The following GYS2 variants were observed in gnomAD, a reference collection of about 807,000 sequenced individuals.
GYS2 encodes the protein glycogen synthase 2, also known as glycogen [starch] synthase, liver.
A neutral mutation model predicts 85.6 loss-of-function variants in GYS2; 80 were observed. The observed-to-expected ratio is 0.93, with a 90% confidence interval of 0.78 to 1.13. GYS2 has a LOEUF of 1.13. Among genes scored for constraint, GYS2 ranks in the 50% most tolerant of loss-of-function variants. The probability of loss-of-function intolerance (pLI) is 0.00; values close to 1 mark genes in which losing one functional copy is unlikely to be tolerated. For synonymous variants in GYS2, 328 were observed against 300.7 expected (o/e 1.09, Z -0.94); for missense variants, 881 against 854.9 (o/e 1.03, Z -0.38).
At chr12:21,598,116 A>T (rs769849909) in intron 1 of GYS2, among the ~76,000 whole-genome samples, 12 of 152,086 alleles carry the variant, frequency 7.9e-5, no homozygotes, top group Non-Finnish European at 1.3e-4. Flanking sequence ...GATAGAAGGA[A>T]TATGTTCTGA....
At chr12:21,604,190 T>C (rs570860652) in intron 1 of GYS2, among the ~76,000 whole-genome samples, 1 of 152,288 alleles carries the variant, frequency 6.6e-6, no homozygotes, top group Non-Finnish European at 1.5e-5. Context: ...TTTTTATTTC[T>C]ATGTTGTCAT....
intron 3 of GYS2, among the ~76,000 whole-genome samples, 175 bp from the exon 4 acceptor site, chr12:21,574,501 T>G (rs1394490665): frequency 6.6e-6 from 1 of 152,186 alleles, no homozygotes; most frequent in African/African-American, 2.4e-5. Flanking sequence ...GGCATGTTCA[T>G]TAACCCCATA....
At chr12:21,584,437 A>G (rs35477974) in intron 1 of GYS2, among the ~76,000 whole-genome samples, 7,937 of 152,282 alleles carry the variant, frequency 0.052, 279 homozygotes, top group Non-Finnish European at 0.071. Flanking sequence ...AGGATGATCA[A>G]TTCTGTGGAC....
chr12:21,596,254 A>G (rs983959324), intron 1 of GYS2, among the ~76,000 whole-genome samples: 2 of 152,164 alleles, frequency 1.3e-5, no homozygotes, highest in African/African-American at 4.8e-5. Context: ...AATTCATTCT[A>G]TGAAGCCAGC....
intron 7 of GYS2, among the ~76,000 whole-genome samples, chr12:21,562,467 A>G (rs1262795200): frequency 6.6e-6 from 1 of 152,186 alleles, no homozygotes; most frequent in East Asian, 1.9e-4. Flanking sequence ...AAGGTTCAGT[A>G]TTAGGATGCG....
downstream of GYS2, among the ~76,000 whole-genome samples, chr12:21,533,308 C>T (rs1186164164): frequency 1.3e-5 from 2 of 152,180 alleles, no homozygotes; most frequent in African/African-American, 2.4e-5. Context: ...GAGAAGAAGG[C>T]GAAGTGACCC....
chr12:21,563,018 T>G lies in GYS2; in HGVS notation c.962A>C (p.Glu321Ala), dbSNP rs1475051645. The G allele has an allele frequency of 8.1e-6, 13 of 1,612,460 alleles. No individual in the cohort carries two copies. Among genetic ancestry groups the G allele is most frequent in the Non-Finnish European group, 9.3e-6 (11 of 1,178,762 alleles). The change falls in exon 7 of 16, where the codon GAA becomes GCA. Residue 321 changes from glutamate to alanine, a missense_variant. Coordinates refer to ENST00000261195, the MANE Select transcript of GYS2 (RefSeq NM_021957.4). The part of the protein sequence containing the change: ...HFYGHLDFDL[E>A]KTLFLFIAGR... ...AGCAATGAAAAGGAACAAAGTCTTT[T>G]CAAGATCAAAGTCGAGATGACTAAA...
chr12:21,544,473 G>T (rs975775414), intron 12 of GYS2, among the ~76,000 whole-genome samples: 1 of 152,128 alleles, frequency 6.6e-6, no homozygotes, highest in Non-Finnish European at 1.5e-5. Context: ...CCGACAGAAA[G>T]GACTTCCCAC....
chr12:21,601,533 T>C (rs1038933573), intron 1 of GYS2, among the ~76,000 whole-genome samples: 2 of 152,128 alleles, frequency 1.3e-5, no homozygotes, highest in African/African-American at 4.8e-5. Flanking sequence ...TTCTCTCACA[T>C]AGAACGCTTT....
chr12:21,587,992 T>C (rs952322091), intron 1 of GYS2, among the ~76,000 whole-genome samples: 4 of 152,148 alleles, frequency 2.6e-5, no homozygotes, highest in African/African-American at 9.7e-5. Flanking sequence ...TTAGGCAGGA[T>C]ATTTCCCGTG....
chr12:21,563,587 C>G (rs977491289), intron 5 of GYS2, among the ~76,000 whole-genome samples: 11 of 152,100 alleles, frequency 7.2e-5, no homozygotes, highest in African/African-American at 2.4e-4. Flanking sequence ...CAATGAAGCA[C>G]TGGTACAATG....
rs560505742 is a variant in GYS2, at chr12:21,580,776, C to T, written c.122-253G>A. Among the ~76,000 whole-genome samples the T allele has an allele frequency of 4.8e-4, 73 of 152,248 alleles. 2 individuals are homozygous for T. In the South Asian group the frequency reaches 0.011, roughly 23 times the overall value. On this transcript the variant is annotated intron_variant, in intron 1 of 15. Transcript: ENST00000261195. ...ATGTGAAATAGCAGCAGGCTGATGC[C>T]GCAAAGAGGTCAAATACCTCAAAAA...
chr12:21,532,968 C>G (rs891617463), downstream of GYS2: 5 of 152,164 alleles, frequency 3.3e-5, no homozygotes, highest in Non-Finnish European at 5.9e-5. Context: ...CTTTCCAACT[C>G]TCTTATGGTG....
chr12:21,593,467 T>G (rs577143514), intron 1 of GYS2, among the ~76,000 whole-genome samples: 1 of 151,830 alleles, frequency 6.6e-6, no homozygotes, highest in African/African-American at 2.4e-5. Flanking sequence ...TAGAAAAGAT[T>G]ATCAGAGACT....
intron 11 of GYS2, among the ~76,000 whole-genome samples, chr12:21,550,392 C>A (rs1186080703): frequency 6.6e-6 from 1 of 151,790 alleles, no homozygotes; most frequent in African/African-American, 2.4e-5. Context: ...CATATTGGGT[C>A]AATCTTCTTC....
At chr12:21,560,628 A>C (rs770611980) in intron 7 of GYS2, 136 bp from the exon 8 acceptor site, 4 of 643,224 alleles carry the variant, frequency 6.2e-6, no homozygotes, top group Admixed American at 2.6e-5. Flanking sequence ...TTTCACAGAG[A>C]GATTATATTC....
rs764394742 is a variant in GYS2, at chr12:21,604,582, C to T, written c.11G>A (p.Gly4Asp). Reference protein sequence around the residue: MLRGRSLSVTSLGG... With the variant: MLRDRSLSVTSLGG... ...CAGGGATGTTACAGAGAGGGATCGG[C>T]CTCGAAGCATTCTTCTTACAGTCCT... Residue 4 changes from glycine to aspartate, a missense_variant, in exon 1 of 16, where the codon GGC becomes GAC. Gly to Asp is a moderately conservative substitution (Grantham distance 94). Transcript: ENST00000261195. 4.3e-6 allele frequency: 7 copies of T among 1,612,412 alleles called. No individual in the cohort carries two copies. The highest frequency in any genetic ancestry group is 1.3e-5 in the African/African-American group (1 of 74,864).
At chr12:21,561,398 C>T (rs926303121) in intron 7 of GYS2, among the ~76,000 whole-genome samples, 3 of 152,094 alleles carry the variant, frequency 2.0e-5, no homozygotes, top group African/African-American at 7.2e-5. Context: ...GGCACTTTAC[C>T]GTCTAGTATG....
intron 1 of GYS2, among the ~76,000 whole-genome samples, chr12:21,600,575 T>A (rs1944744942): frequency 6.6e-6 from 1 of 152,142 alleles, no homozygotes. Context: ...AACTTCTGTG[T>A]TAACAAAAAA....
Sources: gnomAD v4.1 joint callset for allele counts (sites outside exome capture counted in the v4.1 genomes callset) on GRCh38, gnomAD v4.1.1 for gene constraint, MANE v1.5 for transcripts, NCBI Gene and HGNC (gene_info 2026-07-23, HGNC 2026-07-21) for gene names.